Variants in KCNIP4 observed in about 807,000 individuals in gnomAD.
KCNIP4 encodes potassium voltage-gated channel interacting protein 4, also known as Kv channel-interacting protein 4.
KCNIP4 carries 12 observed loss-of-function variants against 34.0 expected under a neutral mutation model. The ratio of observed to expected loss-of-function variants is 0.35; its 90% CI spans 0.23 to 0.57. KCNIP4 has a LOEUF of 0.57. Ranked by LOEUF, KCNIP4 falls within the 20% of genes least tolerant of loss-of-function variation. The pLI is 0.83. For missense variants in KCNIP4, 238 were observed against 311.7 expected (o/e 0.76, Z 1.78); for synonymous variants, 124 against 102.2 (o/e 1.21, Z -1.29).
At chr4:21,397,471 A>G (rs1214930908) in intron 1 of KCNIP4, among the ~76,000 whole-genome samples, 1 of 152,208 alleles carries the variant, frequency 6.6e-6, no homozygotes, top group Non-Finnish European at 1.5e-5. Flanking sequence ...GTTGATAGGT[A>G]CAGCAAACCA....
chr4:20,845,498 C>T (rs1720257608), intron 3 of KCNIP4, among the ~76,000 whole-genome samples: 1 of 152,192 alleles, frequency 6.6e-6, no homozygotes. Context: ...AATCCCACCA[C>T]CCTCTGCTGA....
intron 1 of KCNIP4, among the ~76,000 whole-genome samples, chr4:21,756,991 G>T (rs1039454136): frequency 1.3e-5 from 2 of 151,256 alleles, no homozygotes; most frequent in African/African-American, 4.9e-5. Flanking sequence ...CAGCTACTTG[G>T]GAGGCTGAGG....
At chr4:21,303,795 G>C (rs902379127) in intron 1 of KCNIP4, 8 of 1,606,582 alleles carry the variant, frequency 5.0e-6, no homozygotes, top group Non-Finnish European at 6.8e-6. Context: ...TCACTAAAAA[G>C]CACTCCCTTA....
chr4:21,499,074 T>C (rs1393446836), intron 1 of KCNIP4, among the ~76,000 whole-genome samples: 1 of 152,120 alleles, frequency 6.6e-6, no homozygotes, highest in Non-Finnish European at 1.5e-5. Context: ...GGCTTATGCA[T>C]GTAATCCCAA....
intron 1 of KCNIP4, among the ~76,000 whole-genome samples, chr4:21,666,289 T>A (rs1748954373): frequency 6.6e-6 from 1 of 152,238 alleles, no homozygotes; most frequent in African/African-American, 2.4e-5. Context: ...ATAACCGTTG[T>A]TTTCTTTTTG....
chr4:21,659,708 A>G (rs1277054567), intron 1 of KCNIP4, among the ~76,000 whole-genome samples: 1 of 152,078 alleles, frequency 6.6e-6, no homozygotes, highest in Admixed American at 6.6e-5. Flanking sequence ...TATTTTTGAG[A>G]CCCCATGATA....
At chr4:21,778,283 G>A (rs1301240399) in intron 1 of KCNIP4, among the ~76,000 whole-genome samples, 1 of 130,814 alleles carries the variant, frequency 7.6e-6, no homozygotes, top group African/African-American at 3.0e-5. Context: ...CGCCCAGGCT[G>A]GAGTGCAGTG....
chr4:21,678,129 AG>A (rs1750051822), intron 1 of KCNIP4, among the ~76,000 whole-genome samples: 1 of 152,132 alleles, frequency 6.6e-6, no homozygotes. Context: ...TAAGTATTGC[AG>A]GCTTTGTGGG....
chr4:21,345,498 C>T (rs781623865), intron 1 of KCNIP4, among the ~76,000 whole-genome samples: 18 of 152,112 alleles, frequency 1.2e-4, no homozygotes, highest in Non-Finnish European at 1.8e-4. Context: ...ATGATTTTCA[C>T]ATCACAGGCA....
intron 5 of KCNIP4, among the ~76,000 whole-genome samples, chr4:20,749,189 C>A (rs534097532): frequency 1.7e-4 from 26 of 150,882 alleles, no homozygotes; most frequent in African/African-American, 6.3e-4. Context: ...CTCTACAGAT[C>A]ACTTAAAGTT....
intron 1 of KCNIP4, among the ~76,000 whole-genome samples, chr4:21,541,822 T>C (rs1737720751): frequency 6.6e-6 from 1 of 151,852 alleles, no homozygotes; most frequent in South Asian, 2.1e-4. Context: ...TAAAATTTTT[T>C]TGTAGAGATG....
At chr4:21,920,573 T>C (rs892928560) in intron 1 of KCNIP4, among the ~76,000 whole-genome samples, 5 of 152,132 alleles carry the variant, frequency 3.3e-5, no homozygotes, top group Admixed American at 2.6e-4. Context: ...CTATAGAGCT[T>C]ATCCATGTAA....
intron 3 of KCNIP4, among the ~76,000 whole-genome samples, chr4:20,843,318 A>T (rs1378003007): frequency 3.3e-5 from 5 of 152,218 alleles, no homozygotes; most frequent in Admixed American, 6.5e-5. Context: ...GAAAACTAAC[A>T]GTAGTTACCT....
intron 1 of KCNIP4, among the ~76,000 whole-genome samples, chr4:21,798,998 G>A (rs78745628): frequency 0.014 from 2,087 of 150,370 alleles, 24 homozygotes; most frequent in South Asian, 0.037. Context: ...TTTCCTAGAA[G>A]AAATATCAAT....
intron 1 of KCNIP4, among the ~76,000 whole-genome samples, chr4:21,108,353 T>G (rs2109092490): frequency 6.6e-6 from 1 of 150,666 alleles, no homozygotes; most frequent in South Asian, 2.1e-4. Context: ...TCATTTCATC[T>G]TCCATCACTG....
intron 1 of KCNIP4, among the ~76,000 whole-genome samples, chr4:21,829,662 C>G (rs900897423): frequency 1.3e-5 from 2 of 151,740 alleles, no homozygotes; most frequent in African/African-American, 4.8e-5. Context: ...CTTCACAGTT[C>G]CACAAAGCAA....
At chr4:21,758,991 G>A (rs28378411) in intron 1 of KCNIP4, among the ~76,000 whole-genome samples, 13,266 of 152,042 alleles carry the variant, frequency 0.087, 1,946 homozygotes, top group African/African-American at 0.3. Flanking sequence ...CTGAGTTGTA[G>A]AAACCACTTT....
intron 1 of KCNIP4, among the ~76,000 whole-genome samples, chr4:21,458,098 T>G (rs1729119569): frequency 2.0e-5 from 3 of 149,846 alleles, no homozygotes; most frequent in Admixed American, 6.7e-5. Context: ...ACCCACTAAC[T>G]CGTCATCTAG....
chr4:21,229,897 T>C (rs1473358943), intron 1 of KCNIP4, among the ~76,000 whole-genome samples: 1 of 152,158 alleles, frequency 6.6e-6, no homozygotes, highest in Non-Finnish European at 1.5e-5. Flanking sequence ...CAGTTTACAG[T>C]CCATTTAACC....
Sources: allele counts gnomAD v4.1 joint callset (sites outside exome capture counted in the v4.1 genomes callset), GRCh38; gene constraint gnomAD v4.1.1; transcripts MANE v1.5; gene names NCBI Gene and HGNC (gene_info 2026-07-23, HGNC 2026-07-21).